DHX9: variants seen among roughly 807,000 people sequenced by gnomAD.
DHX9 encodes the protein DExH-box helicase 9.
A neutral mutation model predicts 148.7 loss-of-function variants in DHX9; 27 were observed. That is an observed-to-expected ratio of 0.18 (90% CI 0.13 to 0.25). The LOEUF (loss-of-function observed/expected upper bound fraction) is 0.25. DHX9 is among the 10% of genes least tolerant of loss of function. DHX9 has a pLI of 1.00. For synonymous variants in DHX9, 529 were observed against 516.6 expected, an observed-to-expected ratio of 1.02 and a Z score of -0.33; for missense variants, 796 against 1,559.6, an observed-to-expected ratio of 0.51 and a Z score of 8.25.
Position 182,866,944 on chromosome 1 carries a change from T to C in DHX9, c.1475-17T>C. On this transcript the variant is annotated splice_polypyrimidine_tract_variant and intron_variant, in intron 13 of 27. Transcript: ENST00000367549. ...TTTGAACTTTTCTATAGTTTATTGA[T>C]TGTTTTTCTTTTCAAGGTGTGCTCC... 6.3e-7 allele frequency: 1 copy of C among 1,595,306 alleles called. No individual in the cohort carries two copies. Among genetic ancestry groups the C allele is most frequent in the East Asian group, 2.2e-5 (1 of 44,582 alleles).
At chr1:182,877,647 A>G (rs775938202) in intron 19 of DHX9, 24 of 181,614 alleles carry the variant, frequency 1.3e-4, no homozygotes, top group Non-Finnish European at 1.9e-4. Context: ...TAAAAGTTAC[A>G]CTAAACTTTG....
chr1:182,846,804 A>AT (rs1668039333), intron 3 of DHX9, among the ~76,000 whole-genome samples: 1 of 152,004 alleles, frequency 6.6e-6, no homozygotes, highest in Non-Finnish European at 1.5e-5. Flanking sequence ...CTTAGCTATT[A>AT]TTTAAGATAT....
At chr1:182,886,947 A>G in intron 27 of DHX9, 136 bp from the exon 28 acceptor site, 2 of 764,176 alleles carry the variant, frequency 2.6e-6, no homozygotes, top group Non-Finnish European at 4.3e-6. Flanking sequence ...GATCAATTTT[A>G]TTTCAATTTC....
intron 2 of DHX9, 130 bp from the exon 3 acceptor site, chr1:182,843,164 A>G (rs888821673): frequency 1.8e-6 from 1 of 549,278 alleles, no homozygotes; most frequent in Non-Finnish European, 2.7e-6. Context: ...TTATTTTTAT[A>G]TTTATATTTA....
chr1:182,872,514 T>A (rs754729361), intron 15 of DHX9, 21 bp downstream of exon 15: 32 of 1,604,778 alleles, frequency 2.0e-5, no homozygotes, highest in Non-Finnish European at 2.1e-5. Flanking sequence ...GGGGGTGGTA[T>A]AGGAACATCT....
intron 19 of DHX9, 84 bp downstream of exon 19, chr1:182,876,987 AT>A: frequency 2.2e-6 from 2 of 891,866 alleles, no homozygotes; most frequent in Non-Finnish European, 3.6e-6. Context: ...AAAACACCTT[AT>A]TTTTAAACTC....
rs1163241056 is a variant in DHX9, at chr1:182,843,280, T to C, written c.112-14T>C. ...CCCAGGTCAGTCTCTTAGTACTTTT[T>C]TTTTTTTTTAAAGGTTCAGGTGGAA... On this transcript the variant is annotated splice_polypyrimidine_tract_variant and intron_variant, in intron 2 of 27. Coordinates refer to ENST00000367549, the MANE Select transcript of DHX9 (RefSeq NM_001357.5). 3 of 1,554,362 alleles carry C rather than the reference T, an allele frequency of 1.9e-6. No homozygotes were observed. The highest frequency in any genetic ancestry group is 1.4e-5 in the African/African-American group (1 of 71,366).
Position 182,860,085 on chromosome 1 carries a change from G to A in DHX9, c.1233G>A (p.Gly411=). The A allele has an allele frequency of 6.2e-7, 1 of 1,613,848 alleles. No individual in the cohort carries two copies. The highest frequency in any genetic ancestry group is 1.1e-5 in the South Asian group (1 of 91,044). Residue 411 remains glycine, a synonymous_variant, in exon 12 of 28, where the codon GGG becomes GGA. Transcript: ENST00000367549. The stretch of plus-strand genomic sequence containing the variant: ...AAAATTCAGTTGTCATTATTAGAGG[G>A]GCTACTGGATGTGGGAAAACCACAC... ...ISQNSVVIIR[G]ATGCGKTTQV... is the part of the protein sequence containing the mutation.
chr1:182,874,441 C>G (rs1571317415), intron 15 of DHX9, among the ~76,000 whole-genome samples: 1 of 152,290 alleles, frequency 6.6e-6, no homozygotes, highest in African/African-American at 2.4e-5. Context: ...TCTTCCAGTC[C>G]TTGCATTGAG....
At chr1:182,856,633 C>T (rs1014352211) in intron 7 of DHX9, 55 bp downstream of exon 7, 1 of 1,534,388 alleles carries the variant, frequency 6.5e-7, no homozygotes. Context: ...AAGGAATCTT[C>T]ACATTTTAAG....
chr1:182,873,261 T>C lies in DHX9; in HGVS notation c.1714+768T>C, dbSNP rs147146188. ...TAGAGCCACTGCGCCCAGCCTTCTT[T>C]ACTGTCTTTAGGAGTTGTTACCACA... On this transcript the variant is annotated intron_variant, in intron 15 of 27. Transcript: ENST00000367549. Among the ~76,000 whole-genome samples, 42 of 152,302 alleles carry C rather than the reference T, an allele frequency of 2.8e-4. No individual in the cohort carries two copies. The East Asian group carries it at 7.7e-3, about 28-fold the overall frequency.
chr1:182,844,227 C>T (rs999719890), intron 3 of DHX9, among the ~76,000 whole-genome samples: 4 of 152,236 alleles, frequency 2.6e-5, no homozygotes, highest in East Asian at 3.9e-4. Flanking sequence ...GCTGGGATCA[C>T]AGGCATGGGC....
At chr1:182,870,623 ATAAC>A (rs1463556360) in intron 14 of DHX9, among the ~76,000 whole-genome samples, 3 of 152,242 alleles carry the variant, frequency 2.0e-5, no homozygotes, top group African/African-American at 7.2e-5. Context: ...TCCCTACCTC[ATAAC>A]TAAGTACAAA....
chr1:182,843,580 C>T (rs1667970229), intron 3 of DHX9, 146 bp downstream of exon 3: 1 of 795,678 alleles, frequency 1.3e-6, no homozygotes, highest in Non-Finnish European at 1.9e-6. Flanking sequence ...TTTGTCTCAG[C>T]ACTGGACAAA....
At chr1:182,855,242 G>A (rs1224044145) in intron 6 of DHX9, among the ~76,000 whole-genome samples, 4 of 152,138 alleles carry the variant, frequency 2.6e-5, no homozygotes, top group East Asian at 1.9e-4. Context: ...CTTTCTGAAC[G>A]CATTGGGCTT....
intron 16 of DHX9, chr1:182,875,268 T>C (rs1648708822): frequency 2.2e-6 from 1 of 452,606 alleles, no homozygotes; most frequent in East Asian, 6.7e-5. Flanking sequence ...TCAAAGTTTT[T>C]CAGTAGGCTG....
At chr1:182,849,785 C>T (rs960840794) in intron 3 of DHX9, among the ~76,000 whole-genome samples, 4 of 151,968 alleles carry the variant, frequency 2.6e-5, no homozygotes, top group African/African-American at 7.3e-5. Flanking sequence ...TCTGTACTGC[C>T]TCTACATATA....
chr1:182,847,542 C>T (rs1163530452), intron 3 of DHX9, among the ~76,000 whole-genome samples: 1 of 152,168 alleles, frequency 6.6e-6, no homozygotes, highest in African/African-American at 2.4e-5. Context: ...CTGCCCTGTA[C>T]ATGAGTGGTT....
At chr1:182,850,734 T>C (rs1315369781) in intron 3 of DHX9, among the ~76,000 whole-genome samples, 1 of 152,188 alleles carries the variant, frequency 6.6e-6, no homozygotes, top group Non-Finnish European at 1.5e-5. Flanking sequence ...TGTGATAAAA[T>C]ATATATTGTG....
Sources: gnomAD v4.1 joint callset for allele counts (sites outside exome capture counted in the v4.1 genomes callset) on GRCh38, gnomAD v4.1.1 for gene constraint, MANE v1.5 for transcripts, NCBI Gene and HGNC (gene_info 2026-07-23, HGNC 2026-07-21) for gene names.